The following PNPT1 variants were observed in gnomAD, a reference collection of about 807,000 sequenced individuals.
PNPT1 encodes polyribonucleotide nucleotidyltransferase 1.
PNPT1 carries 53 observed loss-of-function variants against 119.5 expected under a neutral mutation model. The observed-to-expected ratio is 0.44, with a 90% CI of 0.36 to 0.56. The LOEUF is 0.56. Ranked by LOEUF, PNPT1 falls within the 20% of genes least tolerant of loss-of-function variation. PNPT1 has a pLI of 0.00. For synonymous variants in PNPT1, 357 were observed against 322.1 expected, an observed-to-expected ratio of 1.11 and a Z score of -1.16; for missense variants, 948 against 938.5, an observed-to-expected ratio of 1.01 and a Z score of -0.13.
intron 18 of PNPT1, among the ~76,000 whole-genome samples, chr2:55,653,859 A>C (rs990065360): frequency 4.6e-5 from 7 of 152,084 alleles, no homozygotes; most frequent in African/African-American, 1.7e-4. Context: ...AAATGTGTTA[A>C]GTTATCAGAG....
Position 55,643,084 on chromosome 2 carries a change from A to G in PNPT1, c.2069+74T>C, listed in dbSNP as rs1246685651. The G allele has an allele frequency of 3.3e-6, 5 of 1,510,186 alleles. No individual in the cohort carries two copies. In the Admixed American group the frequency reaches 8.5e-5, roughly 26 times the overall value. The allele number at this position is 1,510,186 out of a possible 1,614,324, so 93.5% of individuals were successfully genotyped here. A position where few individuals can be genotyped will look rare whatever the true frequency, so the allele number is the denominator to read the frequency against. On this transcript the variant is annotated intron_variant, in intron 25 of 27. Coordinates refer to ENST00000447944, the MANE Select transcript of PNPT1 (RefSeq NM_033109.5). ...AGGTACAATGGCACCACTGTATCCC[A>G]CTGTGGGTGGCAGGGTGAGACCCTG...
At chr2:55,649,608 G>A (rs997805069) in intron 18 of PNPT1, among the ~76,000 whole-genome samples, 7 of 151,914 alleles carry the variant, frequency 4.6e-5, no homozygotes, top group African/African-American at 1.2e-4. Flanking sequence ...ATCTCATTCC[G>A]CAGGGCTATT....
rs1322039515 is a variant in PNPT1, at chr2:55,636,133, TA to T, written c.*103del. ...AGTACAAATAATTAAAATGTATTTATATTATATAGAAATCTACACAATGGAA... is the reference window on the plus strand; with the variant it reads ...AGTACAAATAATTAAAATGTATTTATTTATATAGAAATCTACACAATGGAA... On this transcript the variant is annotated 3_prime_UTR_variant, in exon 28 of 28. Transcript: ENST00000447944. 2.7e-6 allele frequency: 2 copies of T among 734,092 alleles called. No individual in the cohort carries two copies. Among genetic ancestry groups the T allele is most frequent in the Admixed American group, 7.5e-5 (2 of 26,620 alleles). 45.5% of individuals were successfully genotyped at this position (734,092 alleles called of 1,614,324 possible).
intron 3 of PNPT1, among the ~76,000 whole-genome samples, chr2:55,686,067 T>C (rs568056538): frequency 3.3e-5 from 5 of 152,192 alleles, no homozygotes; most frequent in Non-Finnish European, 7.3e-5. Context: ...TGCAGAGTCA[T>C]ACTGAAGGGA....
chr2:55,639,412 G>A (rs998063526), intron 26 of PNPT1, among the ~76,000 whole-genome samples: 35 of 152,070 alleles, frequency 2.3e-4, no homozygotes, highest in Non-Finnish European at 2.1e-4. Flanking sequence ...TAAAAAGTTT[G>A]TCCCAATTCA....
chr2:55,660,713 C>T (rs1696538878), intron 14 of PNPT1, among the ~76,000 whole-genome samples: 1 of 152,144 alleles, frequency 6.6e-6, no homozygotes, highest in Non-Finnish European at 1.5e-5. Flanking sequence ...GGTCACTGGC[C>T]CAGTTCATTT....
chr2:55,687,747 T>C lies in PNPT1; in HGVS notation c.162-42A>G. ...ATGCAATACAAGAAGACTTAGGTCA[T>C]CTGTACAATTCCTGCTTAGTATAAA... is the stretch of plus-strand genomic sequence containing the variant. On this transcript the variant is annotated intron_variant, in intron 1 of 27. Coordinates refer to ENST00000447944, the MANE Select transcript of PNPT1 (RefSeq NM_033109.5). 2.8e-6 allele frequency: 4 copies of C among 1,428,812 alleles called. No homozygotes were observed. In the South Asian group the frequency reaches 5.1e-5, roughly 18 times the overall value. 88.5% of individuals were successfully genotyped at this position (1,428,812 alleles called of 1,614,324 possible).
At chr2:55,646,196 G>C (rs1695998073) in intron 21 of PNPT1, 63 bp downstream of exon 21, 1 of 1,429,434 alleles carries the variant, frequency 7.0e-7, no homozygotes, top group East Asian at 2.3e-5. Context: ...AGCCTAATGA[G>C]AACTATAGTT....
chr2:55,643,459 A>T, intron 23 of PNPT1, 34 bp from the exon 24 acceptor site: 1 of 1,589,910 alleles, frequency 6.3e-7, no homozygotes, highest in Non-Finnish European at 8.6e-7. Context: ...ATTAAAGTTA[A>T]CTTGGCTGGG....
At chr2:55,640,247 G>A (rs991050928) in intron 26 of PNPT1, among the ~76,000 whole-genome samples, 3 of 151,862 alleles carry the variant, frequency 2.0e-5, no homozygotes, top group East Asian at 1.9e-4. Flanking sequence ...TCCGCCTCCC[G>A]GGTTCAAGCG....
At chr2:55,641,707 CCTTTT>C (rs1375073507) in intron 25 of PNPT1, among the ~76,000 whole-genome samples, 1 of 151,932 alleles carries the variant, frequency 6.6e-6, no homozygotes, top group African/African-American at 2.4e-5. Flanking sequence ...TATCTCCTTG[CCTTTT>C]ATTTTATTTC....
rs1695672119 is a variant in PNPT1 at position 55,636,325 on chromosome 2, G to A, written c.2264C>T (p.Pro755Leu). 6.2e-7 allele frequency: 1 copy of A among 1,614,062 alleles called. No homozygotes were observed. Among genetic ancestry groups the A allele is most frequent in the Non-Finnish European group, 8.5e-7 (1 of 1,179,980 alleles). ...MRLSRKVLQS[P>L]ATTVVRTLND... ...CAAAGTTCTGACCACGGTTGTAGCT[G>A]GCGACTGAAGCACTTTTCGAGAAAG... The change falls in exon 28 of 28, where the codon CCA becomes CTA. Residue 755 changes from proline to leucine, a missense_variant. By Grantham distance (98) the Pro-to-Leu change is moderately conservative (BLOSUM62 -3). Transcript: ENST00000447944.
At chr2:55,642,576 A>C (rs966071972) in intron 25 of PNPT1, among the ~76,000 whole-genome samples, 1 of 140,856 alleles carries the variant, frequency 7.1e-6, no homozygotes, top group African/African-American at 2.8e-5. Flanking sequence ...ACTGCACTCC[A>C]GCCTGGGTGA....
At position 55,673,122 on chromosome 2, in the gene PNPT1, C is replaced by G. The variant is rs1572824373; in HGVS notation, c.680-43G>C. Reference sequence around the variant, plus strand: ...AAAAAAAAAATGACTGCCATCGAAGCTCTTAGTAATATAACATTTTCAAAT... The same window carrying G: ...AAAAAAAAAATGACTGCCATCGAAGGTCTTAGTAATATAACATTTTCAAAT... On this transcript the variant is annotated intron_variant, in intron 8 of 27. Coordinates refer to ENST00000447944, the MANE Select transcript of PNPT1 (RefSeq NM_033109.5). 5 of 1,431,642 alleles carry G rather than the reference C, an allele frequency of 3.5e-6. No individual in the cohort carries two copies. The South Asian group carries it at 7.0e-5, about 20-fold the overall frequency. The allele number at this position is 1,431,642 out of a possible 1,614,324, so 88.7% of individuals were successfully genotyped here.
intron 26 of PNPT1, among the ~76,000 whole-genome samples, chr2:55,640,201 T>G (rs1242039568): frequency 6.6e-6 from 1 of 152,166 alleles, no homozygotes; most frequent in Non-Finnish European, 1.5e-5. Flanking sequence ...GTCGCCAGAC[T>G]GGAGTGCAGT....
chr2:55,650,222 T>C (rs1037910672), intron 18 of PNPT1, among the ~76,000 whole-genome samples: 1 of 152,202 alleles, frequency 6.6e-6, no homozygotes, highest in Non-Finnish European at 1.5e-5. Flanking sequence ...GATGCCGAGC[T>C]GAAGCTGGAC....
intron 2 of PNPT1, among the ~76,000 whole-genome samples, chr2:55,686,941 G>A (rs922434981): frequency 1.3e-5 from 2 of 151,754 alleles, no homozygotes; most frequent in Admixed American, 6.6e-5. Flanking sequence ...CAGGCCAGGC[G>A]CGGTGGCTCA....
chr2:55,643,751 A>G (rs78907319), intron 23 of PNPT1, among the ~76,000 whole-genome samples: 1 of 142,542 alleles, frequency 7.0e-6, no homozygotes, highest in Non-Finnish European at 1.5e-5. Context: ...AAAAAAAAAA[A>G]GTTAACTTGC....
chr2:55,663,503 G>A (rs900687700), intron 13 of PNPT1, among the ~76,000 whole-genome samples: 2 of 152,178 alleles, frequency 1.3e-5, no homozygotes, highest in Non-Finnish European at 2.9e-5. Flanking sequence ...AGACATCAAT[G>A]TACAGATTTA....
Sources: allele counts gnomAD v4.1 joint callset (sites outside exome capture counted in the v4.1 genomes callset), GRCh38; gene constraint gnomAD v4.1.1; transcripts MANE v1.5; gene names NCBI Gene and HGNC (gene_info 2026-07-23, HGNC 2026-07-21).